KCNH8: variants seen among roughly 807,000 people sequenced by gnomAD.
KCNH8 encodes the protein potassium voltage-gated channel subfamily H member 8.
In KCNH8, 70 loss-of-function variants were observed where a neutral mutation model predicts 103.6. The observed-to-expected ratio is 0.68, with a 90% CI of 0.56 to 0.82. The LOEUF is 0.82. KCNH8 is among the 40% of genes least tolerant of loss of function. The pLI is 0.00. For synonymous variants in KCNH8, 498 were observed against 489.4 expected (o/e 1.02, Z -0.23); for missense variants, 1,217 against 1,329.9 (o/e 0.92, Z 1.32).
intron 2 of KCNH8, among the ~76,000 whole-genome samples, chr3:19,278,569 G>T (rs2064711321): frequency 7.1e-6 from 1 of 141,060 alleles, no homozygotes; most frequent in Non-Finnish European, 1.5e-5. Context: ...GAGGGAGGAG[G>T]AAGGGAGGGA....
intron 10 of KCNH8, among the ~76,000 whole-genome samples, chr3:19,455,099 G>C (rs2067510754): frequency 1.3e-5 from 2 of 152,108 alleles, no homozygotes; most frequent in Admixed American, 1.3e-4. Context: ...CACAACAGCT[G>C]TCCAACCATA....
chr3:19,310,277 A>C (rs1480575985), intron 3 of KCNH8, among the ~76,000 whole-genome samples: 1 of 151,916 alleles, frequency 6.6e-6, no homozygotes, highest in African/African-American at 2.4e-5. Flanking sequence ...GACTAATAGA[A>C]AACTTTTTCA....
At chr3:19,467,002 C>T (rs1289723778) in intron 11 of KCNH8, among the ~76,000 whole-genome samples, 1 of 151,612 alleles carries the variant, frequency 6.6e-6, no homozygotes, top group Non-Finnish European at 1.5e-5. Context: ...TGTTTTTAGA[C>T]ATACATAAGT....
intron 3 of KCNH8, among the ~76,000 whole-genome samples, chr3:19,321,911 G>A (rs550374060): frequency 1.1e-3 from 168 of 151,928 alleles, no homozygotes; most frequent in Middle Eastern, 6.8e-3. Flanking sequence ...CTATTGGATC[G>A]GTCCTTTTAT....
chr3:19,453,040 T>C (rs949635012), intron 10 of KCNH8, among the ~76,000 whole-genome samples: 8 of 152,158 alleles, frequency 5.3e-5, no homozygotes, highest in Non-Finnish European at 1.0e-4. Flanking sequence ...TGAAATCATA[T>C]ATTTTGCAGC....
chr3:19,514,301 T>C (rs1444135619), intron 13 of KCNH8, among the ~76,000 whole-genome samples: 1 of 151,954 alleles, frequency 6.6e-6, no homozygotes, highest in Non-Finnish European at 1.5e-5. Context: ...AAAGATAAAA[T>C]AGGTTTAGCA....
At chr3:19,175,358 A>G (rs545489289) in intron 1 of KCNH8, among the ~76,000 whole-genome samples, 1 of 151,186 alleles carries the variant, frequency 6.6e-6, no homozygotes, top group Admixed American at 6.6e-5. Flanking sequence ...AGTAGCTGGG[A>G]CTACAGGCGC....
chr3:19,247,788 A>G (rs777163536), intron 1 of KCNH8, among the ~76,000 whole-genome samples: 1 of 152,214 alleles, frequency 6.6e-6, no homozygotes, highest in South Asian at 2.1e-4. Flanking sequence ...GTCAGTGTGT[A>G]TCAGTGACCC....
At chr3:19,325,530 A>G (rs764800538) in intron 3 of KCNH8, among the ~76,000 whole-genome samples, 6 of 152,234 alleles carry the variant, frequency 3.9e-5, no homozygotes, top group Non-Finnish European at 1.5e-5. Context: ...GGCAAGGGAC[A>G]TGAACAGACA....
intron 11 of KCNH8, among the ~76,000 whole-genome samples, chr3:19,508,881 T>A (rs1057234503): frequency 6.6e-6 from 1 of 152,336 alleles, no homozygotes; most frequent in South Asian, 2.1e-4. Flanking sequence ...ACTAGAAGCA[T>A]ACTCAAATCA....
rs1162943656 is a variant in KCNH8, at chr3:19,390,562, A to G, written c.893A>G (p.Tyr298Cys). ...GAAGCAAGATCAATTTGCATCCACT[A>G]TGTCACAACCTGGTTCATCATTGAT... ...IFEARSICIH[Y>C]VTTWFIIDLI... Residue 298 changes from tyrosine to cysteine, a missense_variant, in exon 6 of 16, where the codon TAT (tyrosine) becomes TGT (cysteine). Transcript: ENST00000328405. 3.1e-6 allele frequency: 5 copies of G among 1,613,258 alleles called. No homozygotes were observed. Among genetic ancestry groups the G allele is most frequent in the African/African-American group, 1.3e-5 (1 of 74,832 alleles).
chr3:19,275,530 C>T (rs1011409360), intron 2 of KCNH8, among the ~76,000 whole-genome samples: 7 of 152,100 alleles, frequency 4.6e-5, no homozygotes, highest in African/African-American at 1.7e-4. Context: ...CAAAGACTTG[C>T]AGCCTATATG....
At chr3:19,260,523 TA>T (rs1447488156) in intron 2 of KCNH8, among the ~76,000 whole-genome samples, 10 of 128,848 alleles carry the variant, frequency 7.8e-5, no homozygotes, top group African/African-American at 3.0e-4. Flanking sequence ...TATATATATA[TA>T]TATATATATA....
At chr3:19,429,196 A>G (rs921079690) in intron 7 of KCNH8, among the ~76,000 whole-genome samples, 2 of 125,162 alleles carry the variant, frequency 1.6e-5, no homozygotes, top group African/African-American at 6.4e-5. Context: ...TTTGGAGACA[A>G]GAGTCCTCGC....
At chr3:19,300,640 G>T (rs778191726) in intron 3 of KCNH8, among the ~76,000 whole-genome samples, 1 of 151,996 alleles carries the variant, frequency 6.6e-6, no homozygotes, top group Non-Finnish European at 1.5e-5. Context: ...ATTACATAAC[G>T]GTTTACAGTT....
chr3:19,275,515 C>A (rs1237202772), intron 2 of KCNH8, among the ~76,000 whole-genome samples: 2 of 152,026 alleles, frequency 1.3e-5, no homozygotes, highest in African/African-American at 4.8e-5. Context: ...TCAGTGAGGA[C>A]TGAGCAAAGA....
intron 2 of KCNH8, among the ~76,000 whole-genome samples, chr3:19,258,591 G>A (rs960895006): frequency 6.6e-6 from 1 of 151,894 alleles, no homozygotes; most frequent in Non-Finnish European, 1.5e-5. Context: ...CATGCAGAGT[G>A]CTTTTTGAAA....
intron 2 of KCNH8, among the ~76,000 whole-genome samples, chr3:19,273,366 A>G (rs1368654191): frequency 6.6e-6 from 1 of 152,192 alleles, no homozygotes; most frequent in African/African-American, 2.4e-5. Context: ...GCTTAGAAGT[A>G]GCAATCATGA....
intron 15 of KCNH8, among the ~76,000 whole-genome samples, chr3:19,520,794 G>A (rs969306807): frequency 1.3e-5 from 2 of 151,930 alleles, no homozygotes. Context: ...CTTTGTGTGA[G>A]GTGTCAGAGC....
Sources: allele counts gnomAD v4.1 joint callset (sites outside exome capture counted in the v4.1 genomes callset), GRCh38; gene constraint gnomAD v4.1.1; transcripts MANE v1.5; gene names NCBI Gene and HGNC (gene_info 2026-07-23, HGNC 2026-07-21).